BACH2: variants seen among roughly 807,000 people sequenced by gnomAD.
BACH2 encodes transcription regulator protein BACH2.
A neutral mutation model predicts 61.8 loss-of-function variants in BACH2; 5 were observed. The ratio of observed to expected loss-of-function variants is 0.08; its 90% confidence interval spans 0.04 to 0.17. The LOEUF is 0.17. BACH2 is among the 10% of genes least tolerant of loss of function. The probability of loss-of-function intolerance (pLI) is 1.00; values close to 1 mark genes in which losing one functional copy is unlikely to be tolerated. For missense variants in BACH2, 824 were observed against 1,091.1 expected, an observed-to-expected ratio of 0.76 and a Z score of 3.45; for synonymous variants, 446 against 440.1, an observed-to-expected ratio of 1.01 and a Z score of -0.17.
At chr6:90,015,244 G>GT (rs1443481634) in intron 5 of BACH2, among the ~76,000 whole-genome samples, 2 of 151,970 alleles carry the variant, frequency 1.3e-5, no homozygotes, top group African/African-American at 4.8e-5. Context: ...TTTTTGGTTA[G>GT]TTTTTTTAAA....
chr6:90,014,937 T>G (rs901912203), intron 5 of BACH2, among the ~76,000 whole-genome samples: 15 of 143,496 alleles, frequency 1.0e-4, no homozygotes, highest in South Asian at 2.1e-4. Flanking sequence ...TGCCACCATG[T>G]TCAGCTATTT....
intron 4 of BACH2, among the ~76,000 whole-genome samples, chr6:90,143,652 T>C (rs1318850481): frequency 6.6e-6 from 1 of 152,132 alleles, no homozygotes; most frequent in Non-Finnish European, 1.5e-5. Flanking sequence ...CCACTTTTGC[T>C]GGCATTCTAT....
At chr6:90,075,230 A>G (rs955350580) in intron 5 of BACH2, among the ~76,000 whole-genome samples, 13 of 152,204 alleles carry the variant, frequency 8.5e-5, no homozygotes, top group African/African-American at 2.9e-4. Flanking sequence ...TTATGTAGGG[A>G]GAGACCCTCA....
At chr6:90,230,231 A>G (rs2127859835) in intron 3 of BACH2, among the ~76,000 whole-genome samples, 1 of 152,318 alleles carries the variant, frequency 6.6e-6, no homozygotes, top group Non-Finnish European at 1.5e-5. Flanking sequence ...AAACGGAGAT[A>G]ACTGATAACA....
At chr6:90,285,389 G>C (rs1771989266) in intron 1 of BACH2, among the ~76,000 whole-genome samples, 1 of 152,156 alleles carries the variant, frequency 6.6e-6, no homozygotes, top group Admixed American at 6.5e-5. Context: ...GGAGAAGTGG[G>C]TCAGGTTTCA....
chr6:90,186,035 A>G (rs1768345383), intron 4 of BACH2, among the ~76,000 whole-genome samples: 1 of 152,188 alleles, frequency 6.6e-6, no homozygotes, highest in South Asian at 2.1e-4. Context: ...TTTTTGCAGC[A>G]TATACACTCA....
chr6:90,117,609 G>A (rs1783457198), intron 4 of BACH2, among the ~76,000 whole-genome samples: 1 of 151,954 alleles, frequency 6.6e-6, no homozygotes, highest in Non-Finnish European at 1.5e-5. Flanking sequence ...GTGCATCACT[G>A]AGCCCTAGCA....
chr6:90,086,295 G>T (rs2127806662), intron 5 of BACH2, among the ~76,000 whole-genome samples: 1 of 152,204 alleles, frequency 6.6e-6, no homozygotes, highest in East Asian at 1.9e-4. Context: ...TATGAACATG[G>T]TTGTACACAC....
chr6:89,941,367 C>T (rs3734662), intron 7 of BACH2, among the ~76,000 whole-genome samples: 67,752 of 152,042 alleles, frequency 0.45, 16,017 homozygotes, highest in Non-Finnish European at 0.52. Context: ...AGGTTCCCAG[C>T]AGGTGATCTG....
At chr6:90,220,252 G>T (rs1304183070) in intron 3 of BACH2, among the ~76,000 whole-genome samples, 2 of 152,068 alleles carry the variant, frequency 1.3e-5, no homozygotes, top group East Asian at 3.9e-4. Context: ...TTGATATATA[G>T]AAATTAGGTC....
At chr6:90,216,130 C>T (rs775496387) in intron 3 of BACH2, among the ~76,000 whole-genome samples, 25 of 152,238 alleles carry the variant, frequency 1.6e-4, no homozygotes, top group Non-Finnish European at 2.9e-4. Flanking sequence ...GCCAAGAGAA[C>T]AGCCACAGAA....
At chr6:90,126,306 T>C (rs78139193) in intron 4 of BACH2, among the ~76,000 whole-genome samples, 2,861 of 152,280 alleles carry the variant, frequency 0.019, 39 homozygotes, top group Admixed American at 0.034. Flanking sequence ...TTGAAAGGGA[T>C]AGGGACTCGG....
intron 5 of BACH2, among the ~76,000 whole-genome samples, chr6:90,070,080 C>T (rs1478138000): frequency 6.6e-6 from 1 of 152,126 alleles, no homozygotes; most frequent in East Asian, 1.9e-4. Flanking sequence ...TTTAATCATC[C>T]AGTTCAAAGC....
At position 90,171,789 on chromosome 6, in the gene BACH2, C is replaced by A. The variant is rs556600178; in HGVS notation, c.-162+34780G>T. Among the ~76,000 whole-genome samples, 7 of 152,118 alleles carry A rather than the reference C, an allele frequency of 4.6e-5. No individual in the cohort carries two copies. The South Asian group carries it at 1.2e-3, about 27-fold the overall frequency. ...ACATTTTTAAAAAAGTAAACAGGAT[C>A]TTAAAATATGAACAAGGAAGATTTC... On this transcript the variant is annotated intron_variant, in intron 4 of 8. Transcript: ENST00000257749.
intron 6 of BACH2, among the ~76,000 whole-genome samples, chr6:89,982,797 A>T (rs1582138251): frequency 6.6e-6 from 1 of 152,314 alleles, no homozygotes; most frequent in African/African-American, 2.4e-5. Context: ...AAGGTTACAG[A>T]GCCATGGCAA....
At chr6:89,965,762 A>G (rs1026216741) in intron 6 of BACH2, among the ~76,000 whole-genome samples, 1 of 152,244 alleles carries the variant, frequency 6.6e-6, no homozygotes, top group Non-Finnish European at 1.5e-5. Context: ...CTGACAGATC[A>G]CACGTCTCTT....
chr6:90,032,361 C>T (rs552025647), intron 5 of BACH2, among the ~76,000 whole-genome samples: 330 of 137,742 alleles, frequency 2.4e-3, no homozygotes, highest in African/African-American at 9.2e-3. Flanking sequence ...CAAACGGGAT[C>T]TAATTAAACT....
At chr6:90,012,737 C>T (rs1243331799) in intron 5 of BACH2, among the ~76,000 whole-genome samples, 1 of 151,962 alleles carries the variant, frequency 6.6e-6, no homozygotes, top group African/African-American at 2.4e-5. Flanking sequence ...GCGATCTTGG[C>T]TCACTGCAAC....
intron 4 of BACH2, among the ~76,000 whole-genome samples, chr6:90,103,029 A>ATATATTTTTT: frequency 1.0e-3 from 22 of 21,164 alleles, no homozygotes; most frequent in African/African-American, 1.7e-3. Flanking sequence ...ATATATATAT[A>ATATATTTTTT]TTTTTTTTTT....
Sources: gnomAD v4.1 joint callset for allele counts (sites outside exome capture counted in the v4.1 genomes callset) on GRCh38, gnomAD v4.1.1 for gene constraint, MANE v1.5 for transcripts, NCBI Gene and HGNC (gene_info 2026-07-23, HGNC 2026-07-21) for gene names.